The following CNTNAP5 variants were observed in gnomAD, a reference collection of about 807,000 sequenced individuals.
CNTNAP5 encodes the protein contactin associated protein family member 5, also known as contactin-associated protein-like 5.
A neutral mutation model predicts 150.2 loss-of-function variants in CNTNAP5; 72 were observed. The observed-to-expected ratio is 0.48, with a 90% CI of 0.40 to 0.58. CNTNAP5 has a LOEUF of 0.58. Ranked by LOEUF, CNTNAP5 falls within the 20% of genes least tolerant of loss-of-function variation. The pLI, the probability that CNTNAP5 is intolerant of heterozygous loss-of-function variation, is 0.00. For synonymous variants in CNTNAP5, 672 were observed against 619.8 expected (o/e 1.08, Z -1.25); for missense variants, 1,636 against 1,626.2 (o/e 1.01, Z -0.10).
chr2:124,655,855 T>A (rs936549127), intron 13 of CNTNAP5, among the ~76,000 whole-genome samples: 1 of 150,626 alleles, frequency 6.6e-6, no homozygotes, highest in Admixed American at 6.6e-5. Flanking sequence ...GAGCTATAAT[T>A]GTGCTACTGC....
intron 11 of CNTNAP5, among the ~76,000 whole-genome samples, chr2:124,602,074 G>T (rs1346369457): frequency 6.6e-6 from 1 of 152,096 alleles, no homozygotes; most frequent in Non-Finnish European, 1.5e-5. Flanking sequence ...GCCAGGCGCG[G>T]TGGCTCACAC....
chr2:124,610,896 G>A (rs1677369128), intron 12 of CNTNAP5, among the ~76,000 whole-genome samples: 1 of 150,076 alleles, frequency 6.7e-6, no homozygotes, highest in African/African-American at 2.5e-5. Context: ...GACGGAGGTT[G>A]CAGTCAGCCG....
At chr2:124,149,017 G>A (rs866024199) in intron 1 of CNTNAP5, among the ~76,000 whole-genome samples, 1 of 152,032 alleles carries the variant, frequency 6.6e-6, no homozygotes, top group Non-Finnish European at 1.5e-5. Flanking sequence ...ATTATCAATA[G>A]TTTTCCTTGA....
At chr2:124,858,024 T>C (rs1255515695) in intron 19 of CNTNAP5, among the ~76,000 whole-genome samples, 2 of 152,148 alleles carry the variant, frequency 1.3e-5, no homozygotes, top group African/African-American at 2.4e-5. Context: ...CTAAAAACTC[T>C]CAATAAATTA....
rs139358364 is a variant in CNTNAP5, at chr2:124,172,299, G to A, written c.83-49406G>A. Among the ~76,000 whole-genome samples, 14 of 152,196 alleles carry A rather than the reference G, an allele frequency of 9.2e-5. No individual in the cohort carries two copies. In the East Asian group the frequency reaches 2.3e-3, roughly 25 times the overall value. On this transcript the variant is annotated intron_variant, in intron 1 of 23. Transcript: ENST00000682447. ...ATTTGTCTGATTATAAAAGTGAGAC[G>A]TGCTCAGTTTAGAAATTTCTAAATT...
Position 124,740,931 on chromosome 2 carries a change from A to G in CNTNAP5, c.2078-6298A>G, listed in dbSNP as rs527777164. Reference sequence around the variant, plus strand: ...CTCTTGAGGTCTACACTGGAACTGAACCATCATCATTTCTGCACACATTCC... The same window carrying G: ...CTCTTGAGGTCTACACTGGAACTGAGCCATCATCATTTCTGCACACATTCC... On this transcript the variant is annotated intron_variant, in intron 13 of 23. Transcript: ENST00000682447. Among the ~76,000 whole-genome samples the G allele has an allele frequency of 5.9e-5, 9 of 152,254 alleles. No homozygotes were observed. In the East Asian group the frequency reaches 1.7e-3, roughly 30 times the overall value.
chr2:124,423,224 T>C (rs1239652824), intron 4 of CNTNAP5, among the ~76,000 whole-genome samples: 1 of 152,212 alleles, frequency 6.6e-6, no homozygotes, highest in Non-Finnish European at 1.5e-5. Context: ...CAAGTAATTG[T>C]ATGAAACAGT....
chr2:124,578,255 G>A (rs1049082521), intron 11 of CNTNAP5, among the ~76,000 whole-genome samples: 2 of 150,958 alleles, frequency 1.3e-5, no homozygotes, highest in African/African-American at 2.4e-5. Flanking sequence ...GCTTGAACTC[G>A]GGAGGCATAG....
chr2:124,200,728 T>C (rs1213221303), intron 1 of CNTNAP5, among the ~76,000 whole-genome samples: 2 of 152,238 alleles, frequency 1.3e-5, no homozygotes, highest in African/African-American at 4.8e-5. Context: ...CAGGCACTTA[T>C]GTCCTGCCAC....
chr2:124,672,815 A>G (rs1186354570), intron 13 of CNTNAP5, among the ~76,000 whole-genome samples: 1 of 152,182 alleles, frequency 6.6e-6, no homozygotes, highest in Non-Finnish European at 1.5e-5. Context: ...CAAGTGACCA[A>G]GAAGATTTAA....
intron 5 of CNTNAP5, among the ~76,000 whole-genome samples, chr2:124,437,400 G>GTC (rs1325820100): frequency 1.3e-5 from 2 of 152,072 alleles, no homozygotes; most frequent in South Asian, 2.1e-4. Context: ...CCCATTTACA[G>GTC]ATATGAAATA....
Position 124,903,824 on chromosome 2 carries a change from C to T in CNTNAP5, c.3655+724C>T, listed in dbSNP as rs533215230. 7.9e-4 allele frequency among the ~76,000 whole-genome samples: 120 copies of T among 152,124 alleles called. 1 individual carries two copies. The highest frequency in any genetic ancestry group is 2.8e-3 in the African/African-American group (117 of 41,466). On this transcript the variant is annotated intron_variant, in intron 22 of 23. Coordinates refer to ENST00000682447, the MANE Select transcript of CNTNAP5 (RefSeq NM_001367498.1). ...ATTGCCGCACTTTGGGAGGCAAACG[C>T]AGGAGGATCACCTGAGGTCAGGAGT...
chr2:124,635,666 G>A lies in CNTNAP5; in HGVS notation c.1877-12092G>A, dbSNP rs762289945. On this transcript the variant is annotated intron_variant, in intron 12 of 23. Transcript: ENST00000682447. ...TCTCCCAGAAAGCCTGCTTGCTCTT[G>A]TTCACTTTTGTTCTGAGCCCCAGTT... Among the ~76,000 whole-genome samples, 7 of 152,154 alleles carry A rather than the reference G, an allele frequency of 4.6e-5. No homozygotes were observed. In the South Asian group the frequency reaches 8.3e-4, roughly 18 times the overall value.
intron 13 of CNTNAP5, among the ~76,000 whole-genome samples, chr2:124,669,004 T>C (rs1198067995): frequency 1.3e-5 from 2 of 152,188 alleles, no homozygotes; most frequent in Non-Finnish European, 2.9e-5. Flanking sequence ...ATTGGTAACA[T>C]TACATTTTGC....
At chr2:124,568,450 A>T (rs1696080395) in intron 11 of CNTNAP5, among the ~76,000 whole-genome samples, 1 of 152,240 alleles carries the variant, frequency 6.6e-6, no homozygotes, top group Admixed American at 6.5e-5. Context: ...TGCACTAGTC[A>T]TTCATTCCTG....
intron 3 of CNTNAP5, among the ~76,000 whole-genome samples, chr2:124,328,819 G>A (rs1322855594): frequency 2.0e-5 from 3 of 152,162 alleles, no homozygotes; most frequent in Non-Finnish European, 4.4e-5. Context: ...GAAGATGGTT[G>A]TAGAAACTGC....
chr2:124,307,466 T>C (rs1301812816), intron 3 of CNTNAP5, among the ~76,000 whole-genome samples: 1 of 152,194 alleles, frequency 6.6e-6, no homozygotes, highest in African/African-American at 2.4e-5. Flanking sequence ...ATCACCTACA[T>C]TTGCTTCTCC....
At chr2:124,718,258 T>C (rs1318630620) in intron 13 of CNTNAP5, among the ~76,000 whole-genome samples, 1 of 152,198 alleles carries the variant, frequency 6.6e-6, no homozygotes, top group Non-Finnish European at 1.5e-5. Flanking sequence ...TCCTCTTTGC[T>C]TAAGAAAGCT....
At chr2:124,682,786 T>C (rs1389743587) in intron 13 of CNTNAP5, among the ~76,000 whole-genome samples, 1 of 152,186 alleles carries the variant, frequency 6.6e-6, no homozygotes, top group Non-Finnish European at 1.5e-5. Flanking sequence ...TGTGTAGTTT[T>C]GAACTTGTGA....
Sources: gnomAD v4.1 joint callset for allele counts (sites outside exome capture counted in the v4.1 genomes callset) on GRCh38, gnomAD v4.1.1 for gene constraint, MANE v1.5 for transcripts, NCBI Gene and HGNC (gene_info 2026-07-23, HGNC 2026-07-21) for gene names.